TOGARAM2: variants seen among roughly 807,000 people sequenced by gnomAD.
TOGARAM2 encodes the protein TOG array regulator of axonemal microtubules protein 2.
In TOGARAM2, 85 loss-of-function variants were observed where a neutral mutation model predicts 93.3. The observed-to-expected ratio is 0.91, with a 90% CI of 0.76 to 1.09. The LOEUF is 1.09. Ranked by LOEUF, TOGARAM2 falls within the 50% of genes least tolerant of loss-of-function variation. The pLI is 0.00. For missense variants in TOGARAM2, 1,277 were observed against 1,334.5 expected, an observed-to-expected ratio of 0.96 and a Z score of 0.67; for synonymous variants, 593 against 552.8, an observed-to-expected ratio of 1.07 and a Z score of -1.02.
intron 1 of TOGARAM2, among the ~76,000 whole-genome samples, chr2:28,992,476 AC>A (rs777296651): frequency 1.4e-4 from 21 of 151,978 alleles, no homozygotes; most frequent in Non-Finnish European, 2.6e-4. Context: ...ACCAGGGGGA[AC>A]CTGGGCTGCC....
intron 8 of TOGARAM2, among the ~76,000 whole-genome samples, chr2:29,016,116 C>G (rs527363539): frequency 3.3e-5 from 5 of 152,334 alleles, no homozygotes; most frequent in African/African-American, 1.2e-4. Context: ...AAAACCTCCT[C>G]TCTCCCCAGG....
chr2:29,005,504 T>TG, intron 6 of TOGARAM2, among the ~76,000 whole-genome samples: 1 of 100,754 alleles, frequency 9.9e-6, no homozygotes, highest in Non-Finnish European at 2.3e-5. Context: ...TGAGTGCATG[T>TG]GTTTGTGTAA....
chr2:28,993,593 G>C (rs1022315749), intron 1 of TOGARAM2, among the ~76,000 whole-genome samples: 4 of 152,212 alleles, frequency 2.6e-5, no homozygotes, highest in Admixed American at 2.0e-4. Flanking sequence ...TAAACAGAGA[G>C]TTCCCCTCTC....
intron 12 of TOGARAM2, among the ~76,000 whole-genome samples, chr2:29,023,581 G>A (rs1458473943): frequency 6.6e-6 from 1 of 152,186 alleles, no homozygotes; most frequent in African/African-American, 2.4e-5. Context: ...AGAGAGGCAG[G>A]AGGCTACATT....
intron 1 of TOGARAM2, among the ~76,000 whole-genome samples, chr2:28,990,994 GTGTGT>G (rs1558406449): frequency 1.8e-3 from 30 of 16,626 alleles, no homozygotes; most frequent in African/African-American, 3.3e-3. Flanking sequence ...TGTGAAGGGT[GTGTGT>G]GTGTGTGTGT....
At chr2:29,003,848 T>A (rs1347661534) in intron 6 of TOGARAM2, among the ~76,000 whole-genome samples, 166 bp downstream of exon 6, 1 of 152,096 alleles carries the variant, frequency 6.6e-6, no homozygotes, top group Non-Finnish European at 1.5e-5. Flanking sequence ...CCTAGGGAGG[T>A]CCCAGCATGG....
rs551854378 is a variant in TOGARAM2 at position 29,035,506 on chromosome 2, A to G, written c.2268A>G (p.Thr756=). 2 of 1,523,396 alleles carry G rather than the reference A, an allele frequency of 1.3e-6. No individual in the cohort carries two copies. The highest frequency in any genetic ancestry group is 1.3e-5 in the South Asian group (1 of 76,654). 94.4% of individuals were successfully genotyped at this position (1,523,396 alleles called of 1,614,324 possible). The change falls in exon 17 of 20, where the codon ACA becomes ACG. Residue 756 remains threonine (T), a synonymous_variant. Transcript: ENST00000379558. Reference sequence around the variant, plus strand: ...CAAGGCTGGTGGGGCTGCGCTCCACACTGCAGGGCCGCGGGGAGATGGTGG... The same window carrying G: ...CAAGGCTGGTGGGGCTGCGCTCCACGCTGCAGGGCCGCGGGGAGATGGTGG... The part of the protein sequence containing the change: ...NGPRLVGLRS[T]LQGRGEMVEQ...
intron 7 of TOGARAM2, among the ~76,000 whole-genome samples, chr2:29,012,931 C>T (rs1664340216): frequency 6.6e-6 from 1 of 152,212 alleles, no homozygotes; most frequent in South Asian, 2.1e-4. Context: ...CCCCCTTGGC[C>T]CTTGATCCTT....
upstream of TOGARAM2, among the ~76,000 whole-genome samples, chr2:28,978,588 A>C (rs1300739653): frequency 2.6e-5 from 4 of 152,178 alleles, no homozygotes; most frequent in Non-Finnish European, 5.9e-5. Flanking sequence ...GGAAAGTTAT[A>C]GAATGTTGGT....
Position 28,964,950 on chromosome 2 carries a change from A to G in TOGARAM2, c.-147+8253A>G, listed in dbSNP as rs142204321. On this transcript the variant is annotated intron_variant, in intron 1 of 6. Transcript: ENST00000401723. ...TTGTGAATAGTGCTGCAATGAACAT[A>G]TGCGTGTATGTATCTTTATAATAGA... Among the ~76,000 whole-genome samples the G allele has an allele frequency of 6.1e-4, 93 of 152,312 alleles. 1 individual carries two copies. Among genetic ancestry groups the G allele is most frequent in the African/African-American group, 2.2e-3 (90 of 41,558 alleles).
At chr2:29,036,469 A>G in intron 17 of TOGARAM2, 72 bp from the exon 18 acceptor site, 1 of 1,490,216 alleles carries the variant, frequency 6.7e-7, no homozygotes, top group Non-Finnish European at 9.3e-7. Flanking sequence ...GGTGAGCTCC[A>G]AGCTGCCTGC....
intron 1 of TOGARAM2, among the ~76,000 whole-genome samples, chr2:28,973,894 C>A (rs752791510): frequency 6.6e-6 from 1 of 152,034 alleles, no homozygotes; most frequent in African/African-American, 2.4e-5. Flanking sequence ...CTTTATCTAA[C>A]GATGTCTTGA....
At chr2:28,960,362 T>A (rs1671785909) in intron 1 of TOGARAM2, among the ~76,000 whole-genome samples, 1 of 152,176 alleles carries the variant, frequency 6.6e-6, no homozygotes. Flanking sequence ...TCCTGTCTAA[T>A]TATTTAATAT....
chr2:28,999,224 A>G lies in TOGARAM2; in HGVS notation c.183A>G (p.Glu61=). 6.2e-7 allele frequency: 1 copy of G among 1,613,812 alleles called. No individual in the cohort carries two copies. Among genetic ancestry groups the G allele is most frequent in the Non-Finnish European group, 8.5e-7 (1 of 1,179,830 alleles). ...CAAGAGCCCTGCTGAACAACGAGGA[A>G]CCGTCACAGCTCCTGCGTGGACTCG... ...PEPRALLNNE[E]PSQLLRGLGQ... Residue 61 remains glutamate, a synonymous_variant, in exon 4 of 20, where the codon GAA becomes GAG. Coordinates refer to ENST00000379558, the MANE Select transcript of TOGARAM2 (RefSeq NM_199280.4).
At chr2:29,042,267 G>A (rs1279368333) in intron 18 of TOGARAM2, among the ~76,000 whole-genome samples, 1 of 152,264 alleles carries the variant, frequency 6.6e-6, no homozygotes, top group East Asian at 1.9e-4. Context: ...GGCACACTGT[G>A]TCTTGTTTTG....
At position 29,036,673 on chromosome 2, in the gene TOGARAM2, A is replaced by G. The variant is rs868190339; in HGVS notation, c.2551A>G (p.Thr851Ala). The change falls in exon 18 of 20, where the codon ACT becomes GCT. Residue 851 changes from threonine (T) to alanine (A), a missense_variant. Transcript: ENST00000379558. ...LHPMLLSIII[T>A]VADNLNSKNS... is the part of the protein sequence containing the mutation. ...CCCCATGCTGCTCTCCATCATCATC[A>G]CTGTTGCAGACAACCTCAACTCCAA... The G allele has an allele frequency of 1.9e-6, 3 of 1,613,778 alleles. No individual in the cohort carries two copies. Among genetic ancestry groups the G allele is most frequent in the Non-Finnish European group, 2.5e-6 (3 of 1,179,890 alleles).
intron 1 of TOGARAM2, among the ~76,000 whole-genome samples, chr2:28,959,522 G>A (rs1218545904): frequency 6.6e-6 from 1 of 152,178 alleles, no homozygotes; most frequent in Non-Finnish European, 1.5e-5. Flanking sequence ...GGAAGGCCGA[G>A]GGGGGCGGAT....
At chr2:28,988,081 G>C (rs1003002225) in intron 1 of TOGARAM2, among the ~76,000 whole-genome samples, 1 of 152,176 alleles carries the variant, frequency 6.6e-6, no homozygotes, top group Non-Finnish European at 1.5e-5. Flanking sequence ...GAGCCATCCA[G>C]GCCTCCTTGC....
intron 1 of TOGARAM2, among the ~76,000 whole-genome samples, chr2:28,973,871 TTC>T (rs980145541): frequency 2.6e-5 from 4 of 152,122 alleles, no homozygotes; most frequent in Admixed American, 2.6e-4. Flanking sequence ...CTGTGACAAA[TTC>T]TCTTAGTTTT....
Sources: gnomAD v4.1 joint callset for allele counts (sites outside exome capture counted in the v4.1 genomes callset) on GRCh38, gnomAD v4.1.1 for gene constraint, MANE v1.5 for transcripts, NCBI Gene and HGNC (gene_info 2026-07-23, HGNC 2026-07-21) for gene names.